LRFN5: variants seen among roughly 807,000 people sequenced by gnomAD.
LRFN5 encodes leucine rich repeat and fibronectin type III domain containing 5.
LRFN5 carries 24 observed loss-of-function variants against 45.6 expected under a neutral mutation model. The ratio of observed to expected loss-of-function variants is 0.53; its 90% CI spans 0.38 to 0.74. The LOEUF (loss-of-function observed/expected upper bound fraction) is 0.74. LRFN5 is among the 30% of genes least tolerant of loss of function. LRFN5 has a pLI of 0.00. For missense variants in LRFN5, 776 were observed against 861.5 expected, an observed-to-expected ratio of 0.90 and a Z score of 1.24; for synonymous variants, 340 against 313.8, an observed-to-expected ratio of 1.08 and a Z score of -0.88.
At chr14:41,788,918 G>T (rs1268611274) in intron 2 of LRFN5, among the ~76,000 whole-genome samples, 1 of 151,968 alleles carries the variant, frequency 6.6e-6, no homozygotes, top group Non-Finnish European at 1.5e-5. Flanking sequence ...TGGAATTACA[G>T]AAGTCTGTTC....
chr14:41,886,635 A>C lies in LRFN5; in HGVS notation c.10A>C (p.Ile4Leu). 1 of 1,576,988 alleles carries C rather than the reference A, an allele frequency of 6.3e-7. No homozygotes were observed. The highest frequency in any genetic ancestry group is 2.2e-5 in the East Asian group (1 of 44,588). The part of the protein sequence containing the change: MEK[I>L]LFYLFLIGIA... ...TTAAACCTGATCTACAATGGAAAAA[A>C]TTCTTTTTTATCTGTTTCTCATTGG... The change falls in exon 3 of 6, where the codon ATT becomes CTT. Residue 4 changes from isoleucine to leucine, a missense_variant. Transcript: ENST00000298119.
Position 41,641,818 on chromosome 14 carries a change from A to G in LRFN5, c.-197+33256A>G, listed in dbSNP as rs565809440. On this transcript the variant is annotated intron_variant, in intron 1 of 5. Transcript: ENST00000298119. ...GAAAATGAAGTTTTGAAACTTTATT[A>G]TAGTCACACAAATCAACTGATGTTC... 3.9e-5 allele frequency among the ~76,000 whole-genome samples: 6 copies of G among 152,292 alleles called. No individual in the cohort carries two copies. The South Asian group carries it at 6.2e-4, about 16-fold the overall frequency.
intron 1 of LRFN5, among the ~76,000 whole-genome samples, chr14:41,648,308 T>G (rs1409755919): frequency 6.6e-6 from 1 of 152,146 alleles, no homozygotes; most frequent in African/African-American, 2.4e-5. Flanking sequence ...CCAGATTATT[T>G]TATCAACCTG....
intron 2 of LRFN5, among the ~76,000 whole-genome samples, chr14:41,816,508 C>A (rs1392233740): frequency 6.6e-6 from 1 of 151,914 alleles, no homozygotes; most frequent in East Asian, 1.9e-4. Flanking sequence ...CTGAGGGAGT[C>A]CTTATTTCTG....
chr14:41,860,923 C>G (rs577610951), intron 2 of LRFN5, among the ~76,000 whole-genome samples: 4 of 152,284 alleles, frequency 2.6e-5, no homozygotes, highest in African/African-American at 9.6e-5. Context: ...AAGAATAATG[C>G]ACTTTGAAAG....
At chr14:41,677,803 G>T (rs1881703436) in intron 1 of LRFN5, among the ~76,000 whole-genome samples, 1 of 151,910 alleles carries the variant, frequency 6.6e-6, no homozygotes, top group Admixed American at 6.6e-5. Flanking sequence ...AGAAGAGAGA[G>T]GGTAGGATAG....
chr14:41,758,906 G>T (rs1885529909), intron 1 of LRFN5, among the ~76,000 whole-genome samples: 1 of 152,074 alleles, frequency 6.6e-6, no homozygotes, highest in Non-Finnish European at 1.5e-5. Context: ...CTCAAGAGAT[G>T]ACTTCTTTGA....
At chr14:41,737,634 A>T (rs1884499487) in intron 1 of LRFN5, among the ~76,000 whole-genome samples, 1 of 152,214 alleles carries the variant, frequency 6.6e-6, no homozygotes, top group African/African-American at 2.4e-5. Flanking sequence ...CCTTAAGCTG[A>T]TGAGCAACTT....
intron 1 of LRFN5, among the ~76,000 whole-genome samples, chr14:41,643,488 C>T (rs551300320): frequency 6.6e-6 from 1 of 152,158 alleles, no homozygotes; most frequent in Admixed American, 6.5e-5. Context: ...GCACACAAAC[C>T]ATGTGTGTTA....
intron 1 of LRFN5, among the ~76,000 whole-genome samples, chr14:41,744,079 T>G (rs1420846543): frequency 6.6e-6 from 1 of 152,138 alleles, no homozygotes; most frequent in Non-Finnish European, 1.5e-5. Flanking sequence ...AGCTACTGGG[T>G]GCAGTACCTC....
chr14:41,887,419 C>T lies in LRFN5; in HGVS notation c.794C>T (p.Ser265Phe). 6.2e-7 allele frequency: 1 copy of T among 1,614,174 alleles called. No individual in the cohort carries two copies. Among genetic ancestry groups the T allele is most frequent in the Non-Finnish European group, 8.5e-7 (1 of 1,180,046 alleles). The change falls in exon 3 of 6, where the codon TCT becomes TTT. Residue 265 changes from serine (S) to phenylalanine (F), a missense_variant. By Grantham distance (155) the Ser-to-Phe change is radical (BLOSUM62 -2). Transcript: ENST00000298119. This position sits in a 1 kb window ranked among gnomAD's most constrained non-coding sequence, Gnocchi z 4.8. ...GAAGATGACTTAGAGACCTGTGCTT[C>T]TCCTCCACTTTTAACTGGCCGCTAC... is the stretch of plus-strand genomic sequence containing the variant. ...SREDDLETCA[S>F]PPLLTGRYFW... is the part of the protein sequence containing the mutation.
At chr14:41,611,894 C>A (rs1887771067) in intron 1 of LRFN5, among the ~76,000 whole-genome samples, 1 of 152,120 alleles carries the variant, frequency 6.6e-6, no homozygotes. Flanking sequence ...AATACCCCCA[C>A]CCTATTCCCT....
chr14:41,711,268 G>A (rs1883274031), intron 1 of LRFN5, among the ~76,000 whole-genome samples: 1 of 152,158 alleles, frequency 6.6e-6, no homozygotes, highest in Non-Finnish European at 1.5e-5. Context: ...TAAAAGGCAA[G>A]TGAAAATAGG....
At chr14:41,851,374 T>A (rs1951871) in intron 2 of LRFN5, among the ~76,000 whole-genome samples, 51,171 of 136,466 alleles carry the variant, frequency 0.37, 9,678 homozygotes, top group Non-Finnish European at 0.49. Context: ...AATATTATAA[T>A]ATACTGATTT....
chr14:41,737,103 TA>T (rs1199115806), intron 1 of LRFN5, among the ~76,000 whole-genome samples: 1 of 152,052 alleles, frequency 6.6e-6, no homozygotes, highest in Non-Finnish European at 1.5e-5. Context: ...AAATCCTCAA[TA>T]AAATACTGGG....
intron 1 of LRFN5, among the ~76,000 whole-genome samples, chr14:41,721,076 C>T (rs1008544415): frequency 6.6e-6 from 1 of 152,002 alleles, no homozygotes; most frequent in Non-Finnish European, 1.5e-5. Context: ...GTGGTGGGTG[C>T]ATATATATTT....
chr14:41,734,316 T>TTACATATATATATATATATA (rs1884316047), intron 1 of LRFN5, among the ~76,000 whole-genome samples: 2 of 38,768 alleles, frequency 5.2e-5, no homozygotes, highest in African/African-American at 1.1e-4. Context: ...TGGACTGGTT[T>TTACATATATATATATATATA]TATATATATA....
chr14:41,616,011 A>T (rs546554961), intron 1 of LRFN5, among the ~76,000 whole-genome samples: 1 of 152,266 alleles, frequency 6.6e-6, no homozygotes, highest in South Asian at 2.1e-4. Context: ...GTTTGATCAC[A>T]GGATTAAACG....
At chr14:41,761,122 C>G (rs185819294) in intron 1 of LRFN5, among the ~76,000 whole-genome samples, 1 of 151,956 alleles carries the variant, frequency 6.6e-6, no homozygotes, top group South Asian at 2.1e-4. Context: ...CATGTGCATA[C>G]GCAGTTGTGT....
Sources: gnomAD v4.1 joint callset for allele counts (sites outside exome capture counted in the v4.1 genomes callset) on GRCh38, gnomAD v4.1.1 for gene constraint, Gnocchi (gnomAD v3.1) non-coding constraint, MANE v1.5 for transcripts, NCBI Gene and HGNC (gene_info 2026-07-23, HGNC 2026-07-21) for gene names.